Variants in ROGDI observed in about 807,000 individuals in gnomAD.
The protein encoded by ROGDI is protein rogdi homolog.
Under a neutral mutation model 43.1 loss-of-function variants are expected in ROGDI, and 46 were observed. That is an observed-to-expected ratio of 1.07 (90% CI 0.84 to 1.37). The LOEUF (loss-of-function observed/expected upper bound fraction) is 1.37, where lower values mean the gene tolerates loss of function less well. Among genes scored for constraint, ROGDI ranks in the 40% most tolerant of loss-of-function variants. ROGDI has a pLI of 0.00. For synonymous variants in ROGDI, 243 were observed against 162.0 expected (o/e 1.50, Z -3.80); for missense variants, 518 against 383.9 (o/e 1.35, Z -2.92).
chr16:4,800,863 G>A (rs1023916593), intron 4 of ROGDI: 4 of 545,508 alleles, frequency 7.3e-6, no homozygotes, highest in African/African-American at 1.9e-5. Flanking sequence ...CTGTGCGAAC[G>A]GGGTGCATCT....
chr16:4,799,004 G>C (rs771192286), intron 6 of ROGDI, among the ~76,000 whole-genome samples: 2 of 152,136 alleles, frequency 1.3e-5, no homozygotes, highest in African/African-American at 4.8e-5. Flanking sequence ...GTTGTAAAGG[G>C]CCAGAGAGGG....
At position 4,802,362 on chromosome 16, in the gene ROGDI, G is replaced by C. The variant is rs775190336; in HGVS notation, c.117+20C>G. On this transcript the variant is annotated intron_variant, in intron 2 of 10. Transcript: ENST00000322048. ...GAGGGAGGGCCGCCACGCCCGGCGG[G>C]GCAGGGCGCGGGTCGTTACCTTGAG... is the stretch of plus-strand genomic sequence containing the variant. 7.1e-5 allele frequency: 110 copies of C among 1,555,244 alleles called. No homozygotes were observed. The highest frequency in any genetic ancestry group is 9.5e-5 in the Non-Finnish European group (110 of 1,153,180).
At chr16:4,798,883 G>A in intron 6 of ROGDI, 1 of 563,984 alleles carries the variant, frequency 1.8e-6, no homozygotes, top group South Asian at 2.4e-5. Flanking sequence ...GGATGGGGCT[G>A]ATTCACTGCA....
Position 4,798,087 on chromosome 16 carries a change from T to A in ROGDI, c.629A>T (p.Gln210Leu), listed in dbSNP as rs1427801374. 10 of 1,613,976 alleles carry A rather than the reference T, an allele frequency of 6.2e-6. No individual in the cohort carries two copies. The highest frequency in any genetic ancestry group is 8.5e-6 in the Non-Finnish European group (10 of 1,179,914). ...CCTCCTCACCTTGGTGGAGTTGGGC[T>A]GCAGGGCATGCAGCTGGTACACCGT... ...CLTVYQLHAL[Q>L]PNSTKNFRPA... Residue 210 changes from glutamine (Q) to leucine (L), a missense_variant, in exon 8 of 11, where the codon CAG becomes CTG. Gln to Leu is a moderately radical substitution (Grantham distance 113, BLOSUM62 -2). Transcript: ENST00000322048.
intron 5 of ROGDI, 36 bp from the exon 6 acceptor site, chr16:4,799,817 C>G: frequency 1.3e-6 from 2 of 1,490,840 alleles, no homozygotes; most frequent in Non-Finnish European, 9.3e-7. Flanking sequence ...GTCACGCCAG[C>G]TTCCATGCGG....
At chr16:4,798,736 G>A (rs532715382) in intron 6 of ROGDI, 69 bp from the exon 7 acceptor site, 32 of 1,304,752 alleles carry the variant, frequency 2.5e-5, no homozygotes, top group Non-Finnish European at 3.2e-5. Flanking sequence ...AACAGACATG[G>A]TAGCTCCCAC....
At chr16:4,802,503 C>T (rs905238762) in intron 1 of ROGDI, 24 bp downstream of exon 1, 3 of 1,209,906 alleles carry the variant, frequency 2.5e-6, no homozygotes, top group Middle Eastern at 3.2e-4. Context: ...CCCGCCGGCC[C>T]GCCCGCTGGC....
At chr16:4,801,957 T>G (rs1596279596) in intron 2 of ROGDI, 1 of 575,176 alleles carries the variant, frequency 1.7e-6, no homozygotes, top group South Asian at 1.6e-5. Context: ...GTTACTTCTG[T>G]GAGCTGCCTG....
Position 4,798,604 on chromosome 16 carries a change from G to C in ROGDI, c.496C>G (p.Leu166Val). The change falls in exon 7 of 11, where the codon CTC (leucine) becomes GTC (valine). Residue 166 changes from leucine (L) to valine (V), a missense_variant. Coordinates refer to ENST00000322048, the MANE Select transcript of ROGDI (RefSeq NM_024589.3). ...CTGGCGGCGATCTCGGGGAGGGTGA[G>C]GGTGGCGGGGGTGGTGAGCCGGTTT... ...ARNRLTTPAT[L>V]TLPEIAASGL... is the part of the protein sequence containing the mutation. The C allele has an allele frequency of 6.4e-7, 1 of 1,573,650 alleles. No individual in the cohort carries two copies. Among genetic ancestry groups the C allele is most frequent in the Non-Finnish European group, 8.6e-7 (1 of 1,164,940 alleles).
chr16:4,801,454 T>A (rs2082716671), intron 3 of ROGDI, 49 bp downstream of exon 3: 2 of 1,576,816 alleles, frequency 1.3e-6, no homozygotes, highest in Non-Finnish European at 1.7e-6. Flanking sequence ...CCATGCCTCC[T>A]ACCCCCCAAG....
chr16:4,798,072 T>C lies in ROGDI; in HGVS notation c.644A>G (p.Lys215Arg), dbSNP rs1208197801. Residue 215 changes from lysine to arginine, a missense_variant and splice_region_variant, in exon 8 of 11, where the codon AAG becomes AGG. Transcript: ENST00000322048. ...GGCCGGGCAGGGGTCCCTCCTCACC[T>C]TGGTGGAGTTGGGCTGCAGGGCATG... ...QLHALQPNSTKNFRPAGGAVL... is the reference protein window; with the variant it reads ...QLHALQPNSTRNFRPAGGAVL... 1 of 1,613,812 alleles carries C rather than the reference T, an allele frequency of 6.2e-7. No homozygotes were observed.
rs752140233 is a variant in ROGDI at position 4,802,552 on chromosome 16, G to T, written c.20C>A (p.Ala7Glu). The change falls in exon 1 of 11, where the codon GCG (alanine) becomes GAG (glutamate). Residue 7 changes from alanine to glutamate, a missense_variant. By Grantham distance (107) the Ala-to-Glu change is moderately radical (BLOSUM62 -1). Transcript: ENST00000322048. MATVMA[A>E]TAAERAVLEE... ...CAGCACCGCCCGCTCCGCCGCCGTC[G>T]CTGCCATCACGGTGGCCATGGCCGC... The T allele has an allele frequency of 1.2e-5, 16 of 1,290,156 alleles. No individual in the cohort carries two copies. In the African/African-American group the frequency reaches 2.2e-4, roughly 17 times the overall value. 79.9% of individuals were successfully genotyped at this position (1,290,156 alleles called of 1,614,324 possible). A position where few individuals can be genotyped will look rare whatever the true frequency, so the allele number is the denominator to read the frequency against.
chr16:4,798,088 G>A lies in ROGDI; in HGVS notation c.628C>T (p.Gln210Ter). 6.2e-7 allele frequency: 1 copy of A among 1,613,942 alleles called. No individual in the cohort carries two copies. Among genetic ancestry groups the A allele is most frequent in the Non-Finnish European group, 8.5e-7 (1 of 1,179,894 alleles). ...CLTVYQLHAL[Q>*]PNSTKNFRPA... The stretch of plus-strand genomic sequence containing the variant: ...CTCCTCACCTTGGTGGAGTTGGGCT[G>A]CAGGGCATGCAGCTGGTACACCGTG... The change falls in exon 8 of 11, where the codon CAG (glutamine) becomes TAG (stop). Residue 210 changes from glutamine to a stop codon, truncating the protein, a stop_gained. Coordinates refer to ENST00000322048, the MANE Select transcript of ROGDI (RefSeq NM_024589.3). LOFTEE classifies it high-confidence loss of function.
At chr16:4,801,730 G>A (rs1367448164) in intron 2 of ROGDI, 145 bp from the exon 3 acceptor site, 1 of 719,470 alleles carries the variant, frequency 1.4e-6, no homozygotes, top group East Asian at 2.7e-5. Context: ...GGGGTGGGAA[G>A]ACCCTGCCCA....
rs761951820 is a variant in ROGDI, at chr16:4,802,377, G to C, written c.117+5C>G. ...CGCCCGGCGGGGCAGGGCGCGGGTC[G>C]TTACCTTGAGGATGTCCTGCAGCTG... is the stretch of plus-strand genomic sequence containing the variant. On this transcript the variant is annotated splice_donor_5th_base_variant and intron_variant, in intron 2 of 10. Coordinates refer to ENST00000322048, the MANE Select transcript of ROGDI (RefSeq NM_024589.3). 2 of 1,568,394 alleles carry C rather than the reference G, an allele frequency of 1.3e-6. No individual in the cohort carries two copies. Among genetic ancestry groups the C allele is most frequent in the Admixed American group, 1.9e-5 (1 of 53,148 alleles).
At chr16:4,798,738 A>G (rs1488805150) in intron 6 of ROGDI, 71 bp from the exon 7 acceptor site, 1 of 1,266,412 alleles carries the variant, frequency 7.9e-7, no homozygotes, top group Non-Finnish European at 1.1e-6. Context: ...CAGACATGGT[A>G]GCTCCCACTC....
chr16:4,800,314 C>T (rs900306057), intron 5 of ROGDI, among the ~76,000 whole-genome samples, 184 bp downstream of exon 5: 1 of 152,212 alleles, frequency 6.6e-6, no homozygotes, highest in East Asian at 1.9e-4. Context: ...CTCTACCTCC[C>T]CACATGGCGC....
rs1268220166 is a variant in ROGDI, at chr16:4,799,754, G to A, written c.364C>T (p.Gln122Ter). ...CGGCTGGTAAGCAGGTAAATGGCTTGGCTCACATGGTTTCTGGCATCCTGG... is the reference window on the plus strand; with the variant it reads ...CGGCTGGTAAGCAGGTAAATGGCTTAGCTCACATGGTTTCTGGCATCCTGG... ...QIQDARNHVS[Q>*]AIYLLTSRDQ... The change falls in exon 6 of 11, where the codon CAA becomes TAA. Residue 122 changes from glutamine to a stop codon, truncating the protein, a stop_gained. Transcript: ENST00000322048. LOFTEE classifies it high-confidence loss of function. 1 of 1,613,652 alleles carries A rather than the reference G, an allele frequency of 6.2e-7. No homozygotes were observed. Among genetic ancestry groups the A allele is most frequent in the East Asian group, 2.2e-5 (1 of 44,878 alleles).
Position 4,797,849 on chromosome 16 carries a change from A to C in ROGDI, c.696-9T>G. On this transcript the variant is annotated splice_polypyrimidine_tract_variant and intron_variant, in intron 9 of 10. Transcript: ENST00000322048. ...GCTGAGAGCCCCACTCGCTGTGGGC[A>C]GTGAGAGGGTCCCTGAGGAGGGTCC... 1 of 1,610,674 alleles carries C rather than the reference A, an allele frequency of 6.2e-7. No individual in the cohort carries two copies. Among genetic ancestry groups the C allele is most frequent in the Non-Finnish European group, 8.5e-7 (1 of 1,179,570 alleles).
Sources: gnomAD v4.1 joint callset for allele counts (sites outside exome capture counted in the v4.1 genomes callset) on GRCh38, gnomAD v4.1.1 for gene constraint, MANE v1.5 for transcripts, NCBI Gene and HGNC (gene_info 2026-07-23, HGNC 2026-07-21) for gene names.